Variants in SMIM41 observed in about 807,000 individuals in gnomAD.
SMIM41 encodes the protein small integral membrane protein 41.
intron 2 of SMIM41, among the ~76,000 whole-genome samples, chr12:52,094,306 C>T (rs1477613055): frequency 6.7e-6 from 1 of 150,342 alleles, no homozygotes; most frequent in East Asian, 2.0e-4. Context: ...TCAAGCAATT[C>T]TGCTTCAGCC....
intron 2 of SMIM41, among the ~76,000 whole-genome samples, chr12:52,098,913 C>T (rs917518970): frequency 6.6e-6 from 1 of 151,690 alleles, no homozygotes; most frequent in African/African-American, 2.4e-5. Context: ...ACACCCTTTG[C>T]GATATTGAGA....
At chr12:52,085,032 C>T (rs1939874044) in intron 2 of SMIM41, among the ~76,000 whole-genome samples, 1 of 152,156 alleles carries the variant, frequency 6.6e-6, no homozygotes, top group Admixed American at 6.5e-5. Flanking sequence ...AGCCTGAATA[C>T]TGTGTGTGCG....
chr12:52,091,900 A>C (rs374029340), intron 2 of SMIM41: 1 of 152,242 alleles, frequency 6.6e-6, no homozygotes, highest in East Asian at 1.9e-4. Context: ...AGATATTGTC[A>C]GGCTCATCTT....
intron 2 of SMIM41, among the ~76,000 whole-genome samples, chr12:52,103,366 A>AAAC (rs772520409): frequency 6.6e-6 from 1 of 151,604 alleles, no homozygotes; most frequent in Non-Finnish European, 1.5e-5. Context: ...CCAAAAAAAA[A>AAAC]AAAAAACCAA....
chr12:52,101,204 C>T (rs568022046), intron 2 of SMIM41, among the ~76,000 whole-genome samples: 1 of 152,302 alleles, frequency 6.6e-6, no homozygotes, highest in African/African-American at 2.4e-5. Context: ...ACACGGATCA[C>T]TTGAGGCCAG....
At chr12:52,092,671 T>C (rs878986239) in intron 2 of SMIM41, 1 of 152,148 alleles carries the variant, frequency 6.6e-6, no homozygotes, top group Admixed American at 6.5e-5. Context: ...TGGGAAACAT[T>C]CTAAAACCTT....
Position 52,094,947 on chromosome 12 carries a change from G to GTTT in SMIM41, c.*195+10993_*195+10995dup, listed in dbSNP as rs532917943. ...GCCCACCCCTACACCCCTGCCCCCT[G>GTTT]TTTTTTTTTTTTTTTTGAGATGGAA... On this transcript the variant is annotated intron_variant, in intron 2 of 2. Transcript: ENST00000546390. The GTTT allele has an allele frequency of 8.6e-4, 114 of 132,204 alleles. 2 individuals carry two copies. Among genetic ancestry groups the GTTT allele is most frequent in the African/African-American group, 3.1e-3 (104 of 33,556 alleles). 8.2% of individuals were successfully genotyped at this position (132,204 alleles called of 1,614,324 possible).
intron 2 of SMIM41, among the ~76,000 whole-genome samples, chr12:52,094,071 C>T (rs1940048516): frequency 7.0e-6 from 1 of 143,456 alleles, no homozygotes; most frequent in South Asian, 2.2e-4. Flanking sequence ...GCGTAGGTTG[C>T]AGTGAGCTGA....
Position 52,107,924 on chromosome 12 carries a change from C to A in SMIM41, c.*741C>A, listed in dbSNP as rs1940373788. ...GCCGTTGTGACACCTTCATCAATAA[C>A]ATAATCATGTATTTCCCTACTGCCA... On this transcript the variant is annotated 3_prime_UTR_variant, in exon 3 of 3. Transcript: ENST00000546390. 1 of 281,250 alleles carries A rather than the reference C, an allele frequency of 3.6e-6. No individual in the cohort carries two copies. Among genetic ancestry groups the A allele is most frequent in the Admixed American group, 4.9e-5 (1 of 20,528 alleles). The allele number at this position is 281,250 out of a possible 1,614,324, so 17.4% of individuals were successfully genotyped here. A position where few individuals can be genotyped will look rare whatever the true frequency, so the allele number is the denominator to read the frequency against.
In SMIM41 at chr12:52,107,697, C is replaced by T. The variant is rs1385493015; in HGVS notation, c.*514C>T. The T allele has an allele frequency of 1.2e-5, 6 of 501,690 alleles. No homozygotes were observed. Among genetic ancestry groups the T allele is most frequent in the Admixed American group, 2.2e-5 (1 of 44,722 alleles). The allele number at this position is 501,690 out of a possible 1,614,324, so 31.1% of individuals were successfully genotyped here. A position where few individuals can be genotyped will look rare whatever the true frequency, so the allele number is the denominator to read the frequency against. ...TGCTCCTGAGTGTGATGGCCTATGA[C>T]CGGTTTGTAGCCATCTGTCACCCTC... On this transcript the variant is annotated 3_prime_UTR_variant, in exon 3 of 3. Coordinates refer to ENST00000546390, the MANE Select transcript of SMIM41 (RefSeq NM_001369216.1).
intron 2 of SMIM41, among the ~76,000 whole-genome samples, chr12:52,097,578 T>C (rs1470489170): frequency 4.6e-5 from 7 of 152,094 alleles, no homozygotes; most frequent in African/African-American, 1.7e-4. Context: ...ATCTTTTCTA[T>C]TGAACCTTAT....
intron 2 of SMIM41, among the ~76,000 whole-genome samples, chr12:52,096,477 A>G (rs538201165): frequency 1.3e-5 from 2 of 152,136 alleles, no homozygotes; most frequent in Non-Finnish European, 2.9e-5. Context: ...ATTAGGAGTA[A>G]TATTAGTATT....
intron 2 of SMIM41, among the ~76,000 whole-genome samples, chr12:52,088,462 G>A (rs1174626027): frequency 2.0e-5 from 3 of 152,158 alleles, no homozygotes; most frequent in African/African-American, 7.2e-5. Context: ...GAAGGACTGT[G>A]GAAGGTGCCA....
intron 2 of SMIM41, among the ~76,000 whole-genome samples, chr12:52,099,218 T>G (rs745829910): frequency 3.2e-4 from 49 of 151,452 alleles, no homozygotes; most frequent in Middle Eastern, 6.8e-3. Flanking sequence ...GCAACATGAG[T>G]AGTAATATCA....
intron 2 of SMIM41, 60 bp from the exon 3 acceptor site, chr12:52,107,319 G>A: frequency 4.3e-6 from 2 of 463,660 alleles, no homozygotes; most frequent in Admixed American, 2.4e-5. Context: ...CTAGGCAAAA[G>A]TTGTCCAAAC....
chr12:52,079,858 G>C lies in SMIM41; in HGVS notation c.79G>C (p.Glu27Gln). 2.5e-6 allele frequency: 1 copy of C among 392,500 alleles called. No homozygotes were observed. Among genetic ancestry groups the C allele is most frequent in the Admixed American group, 4.4e-5 (1 of 22,516 alleles). 24.3% of individuals were successfully genotyped at this position (392,500 alleles called of 1,614,324 possible). Residue 27 changes from glutamate (E) to glutamine (Q), a missense_variant, in exon 1 of 3, where the codon GAG becomes CAG. Glu to Gln is a conservative substitution (Grantham distance 29). Coordinates refer to ENST00000546390, the MANE Select transcript of SMIM41 (RefSeq NM_001369216.1). ...CTGTAACCAGTCGGCGTCGCCGCCGGAGCCCCCCGAGGGGCCGCGCGCGGT... is the reference window on the plus strand; with the variant it reads ...CTGTAACCAGTCGGCGTCGCCGCCGCAGCCCCCCGAGGGGCCGCGCGCGGT... ...SCCNQSASPP[E>Q]PPEGPRAVQA... is the part of the protein sequence containing the mutation.
intron 2 of SMIM41, among the ~76,000 whole-genome samples, chr12:52,090,470 G>A (rs1317268025): frequency 6.6e-6 from 1 of 152,084 alleles, no homozygotes; most frequent in Non-Finnish European, 1.5e-5. Flanking sequence ...TCCAGGCCAC[G>A]GAACAAGTGC....
At chr12:52,094,141 A>AG (rs1812741160) in intron 2 of SMIM41, among the ~76,000 whole-genome samples, 1 of 150,242 alleles carries the variant, frequency 6.7e-6, no homozygotes, top group African/African-American at 2.4e-5. Flanking sequence ...CGGAAAAAAA[A>AG]AAAAGAAAAA....
intron 2 of SMIM41, among the ~76,000 whole-genome samples, chr12:52,088,090 AC>A (rs1258136376): frequency 6.6e-6 from 1 of 152,194 alleles, no homozygotes; most frequent in African/African-American, 2.4e-5. Context: ...TGTCCCAGGC[AC>A]TGGAGAATGT....
Sources: gnomAD v4.1 joint callset for allele counts (sites outside exome capture counted in the v4.1 genomes callset) on GRCh38, gnomAD v4.1.1 for gene constraint, MANE v1.5 for transcripts, NCBI Gene and HGNC (gene_info 2026-07-23, HGNC 2026-07-21) for gene names.